Variants in CLTCL1 observed in about 807,000 individuals in gnomAD.
The protein encoded by CLTCL1 is clathrin heavy chain 2.
Under a neutral mutation model 190.0 loss-of-function variants are expected in CLTCL1, and 159 were observed. The ratio of observed to expected loss-of-function variants is 0.84; its 90% CI spans 0.74 to 0.95. The LOEUF (loss-of-function observed/expected upper bound fraction) is 0.95, where lower values mean the gene tolerates loss of function less well. Ranked by LOEUF, CLTCL1 falls within the 40% of genes least tolerant of loss-of-function variation. The pLI, the probability that CLTCL1 is intolerant of heterozygous loss-of-function variation, is 0.00. For synonymous variants in CLTCL1, 752 were observed against 769.6 expected (o/e 0.98, Z 0.38); for missense variants, 1,878 against 2,033.4 (o/e 0.92, Z 1.47).
chr22:19,284,815 A>G (rs1458336679), intron 1 of CLTCL1, among the ~76,000 whole-genome samples: 1 of 151,734 alleles, frequency 6.6e-6, no homozygotes, highest in African/African-American at 2.4e-5. Flanking sequence ...TTAGCCAGGC[A>G]TGGTGGCACG....
At chr22:19,256,815 C>G (rs2518866) in intron 2 of CLTCL1, among the ~76,000 whole-genome samples, 1 of 151,908 alleles carries the variant, frequency 6.6e-6, no homozygotes, top group Non-Finnish European at 1.5e-5. Context: ...CTTTTGTTTG[C>G]TTGGTGGAAA....
At chr22:19,235,579 T>C in intron 6 of CLTCL1, 117 bp downstream of exon 6, 1 of 953,486 alleles carries the variant, frequency 1.0e-6, no homozygotes, top group Non-Finnish European at 1.6e-6. Context: ...GGTTTAAGTT[T>C]AATAACAGGA....
intron 26 of CLTCL1, 91 bp downstream of exon 26, chr22:19,196,175 A>T: frequency 7.6e-7 from 1 of 1,308,356 alleles, no homozygotes; most frequent in Non-Finnish European, 1.1e-6. Flanking sequence ...GCATGCTGGT[A>T]CTCATTCCAC....
chr22:19,225,694 G>A, intron 12 of CLTCL1, 61 bp from the exon 13 acceptor site: 1 of 1,399,348 alleles, frequency 7.1e-7, no homozygotes, highest in South Asian at 1.4e-5. Flanking sequence ...CTAACACTTG[G>A]AAAATAACTA....
chr22:19,230,692 C>T (rs373593470), intron 10 of CLTCL1, among the ~76,000 whole-genome samples: 1 of 152,110 alleles, frequency 6.6e-6, no homozygotes, highest in South Asian at 2.1e-4. Flanking sequence ...AACATATGAA[C>T]CCCCAAGCAG....
chr22:19,273,589 G>A (rs2087395377), intron 2 of CLTCL1, among the ~76,000 whole-genome samples: 1 of 151,992 alleles, frequency 6.6e-6, no homozygotes, highest in African/African-American at 2.4e-5. Flanking sequence ...AAAAAACAAG[G>A]TTACTGCGCA....
intron 14 of CLTCL1, 87 bp from the exon 15 acceptor site, chr22:19,222,896 T>G (rs2085621418): frequency 6.7e-7 from 1 of 1,490,578 alleles, no homozygotes; most frequent in South Asian, 1.3e-5. Context: ...GGGACGGCTC[T>G]GTCTCTGCAG....
At chr22:19,278,764 C>T (rs782354700) in intron 1 of CLTCL1, among the ~76,000 whole-genome samples, 3 of 152,158 alleles carry the variant, frequency 2.0e-5, no homozygotes, top group Non-Finnish European at 2.9e-5. Flanking sequence ...GTTTTTGAGA[C>T]GGAGTCTAGC....
At chr22:19,226,119 G>C in intron 12 of CLTCL1, 100 bp downstream of exon 12, 3 of 1,352,908 alleles carry the variant, frequency 2.2e-6, no homozygotes, top group East Asian at 2.5e-5. Flanking sequence ...ACAGGCTCAG[G>C]CCACAGTTCC....
intron 5 of CLTCL1, among the ~76,000 whole-genome samples, chr22:19,236,955 T>G (rs550052823): frequency 8.7e-4 from 132 of 152,166 alleles, no homozygotes; most frequent in African/African-American, 3.1e-3. Context: ...GGTCAAAGAT[T>G]TTAAATAAAA....
At chr22:19,269,792 G>A (rs114839467) in intron 2 of CLTCL1, among the ~76,000 whole-genome samples, 1 of 152,136 alleles carries the variant, frequency 6.6e-6, no homozygotes, top group Non-Finnish European at 1.5e-5. Context: ...GGAGTGGGGG[G>A]CGAAGAGAGA....
intron 1 of CLTCL1, among the ~76,000 whole-genome samples, chr22:19,278,443 A>C (rs986006383): frequency 1.3e-5 from 2 of 152,176 alleles, no homozygotes; most frequent in Non-Finnish European, 2.9e-5. Context: ...CAAGGCTTAG[A>C]AGGCAGGCAG....
intron 22 of CLTCL1, among the ~76,000 whole-genome samples, chr22:19,203,202 C>T (rs1555940911): frequency 1.3e-5 from 2 of 152,176 alleles, no homozygotes; most frequent in Non-Finnish European, 2.9e-5. Flanking sequence ...GTAATCCCAG[C>T]TACTCAGGAG....
Position 19,216,070 on chromosome 22 carries a change from G to C in CLTCL1, c.3065+41C>G. 4 of 1,597,296 alleles carry C rather than the reference G, an allele frequency of 2.5e-6. No individual in the cohort carries two copies. In the South Asian group the frequency reaches 3.3e-5, roughly 13 times the overall value. On this transcript the variant is annotated intron_variant, in intron 19 of 32. Coordinates refer to ENST00000427926, the MANE Select transcript of CLTCL1 (RefSeq NM_007098.4). Reference sequence around the variant, plus strand: ...AAGATGAGTATCAAGCAGATGTTTTGAATCTGCCTGTGTCCACAGCTACCC... The same window carrying C: ...AAGATGAGTATCAAGCAGATGTTTTCAATCTGCCTGTGTCCACAGCTACCC...
intron 3 of CLTCL1, among the ~76,000 whole-genome samples, chr22:19,251,220 C>A (rs782377335): frequency 6.7e-6 from 1 of 149,156 alleles, no homozygotes; most frequent in African/African-American, 2.5e-5. Flanking sequence ...GTATTTTATT[C>A]TTTTTGATGT....
At chr22:19,204,778 C>T (rs1555941862) in intron 22 of CLTCL1, among the ~76,000 whole-genome samples, 1 of 152,242 alleles carries the variant, frequency 6.6e-6, no homozygotes, top group African/African-American at 2.4e-5. Flanking sequence ...GAAACATACA[C>T]AAACCAGGCG....
intron 13 of CLTCL1, 114 bp from the exon 14 acceptor site, chr22:19,224,168 A>C: frequency 1.0e-6 from 1 of 984,162 alleles, no homozygotes; most frequent in Non-Finnish European, 1.5e-6. Flanking sequence ...CCCACAGCAC[A>C]CTCAGAACTC....
At chr22:19,205,247 C>A (rs534866730) in intron 22 of CLTCL1, among the ~76,000 whole-genome samples, 115 of 152,216 alleles carry the variant, frequency 7.6e-4, no homozygotes, top group African/African-American at 2.7e-3. Flanking sequence ...CAGTGGCTCA[C>A]CCCTGTAATC....
chr22:19,235,592 T>C (rs2086056631), intron 6 of CLTCL1, 104 bp downstream of exon 6: 2 of 1,072,526 alleles, frequency 1.9e-6, no homozygotes, highest in Non-Finnish European at 2.7e-6. Context: ...TAACAGGAAC[T>C]ATTAATAGCT....
Sources: allele counts gnomAD v4.1 joint callset (sites outside exome capture counted in the v4.1 genomes callset), GRCh38; gene constraint gnomAD v4.1.1; transcripts MANE v1.5; gene names NCBI Gene and HGNC (gene_info 2026-07-23, HGNC 2026-07-21).